Variants in CSRP2 observed in about 807,000 individuals in gnomAD.
CSRP2 encodes cysteine and glycine-rich protein 2.
CSRP2 carries 18 observed loss-of-function variants against 24.6 expected under a neutral mutation model. The observed-to-expected ratio is 0.73, with a 90% CI of 0.51 to 1.09. The LOEUF (loss-of-function observed/expected upper bound fraction) is 1.09. Ranked by LOEUF, CSRP2 falls within the 50% of genes least tolerant of loss-of-function variation. The pLI is 0.00. For synonymous variants in CSRP2, 87 were observed against 84.3 expected (o/e 1.03, Z -0.18); for missense variants, 215 against 239.4 (o/e 0.90, Z 0.67).
At chr12:76,867,829 TAA>T (rs1953750302) in intron 1 of CSRP2, among the ~76,000 whole-genome samples, 1 of 152,120 alleles carries the variant, frequency 6.6e-6, no homozygotes, top group Admixed American at 6.5e-5. Context: ...TAGAAAAGAT[TAA>T]AGAGTCTCCA....
At chr12:76,872,659 C>G (rs1467797769) in intron 1 of CSRP2, among the ~76,000 whole-genome samples, 1 of 152,214 alleles carries the variant, frequency 6.6e-6, no homozygotes, top group East Asian at 1.9e-4. Context: ...CTGGTCAAAC[C>G]AATCCCCTAA....
At position 76,860,326 on chromosome 12, in the gene CSRP2, C is replaced by T. The variant is rs774700075; in HGVS notation, c.369G>A (p.Gly123=). The T allele has an allele frequency of 4.3e-6, 7 of 1,613,954 alleles. No homozygotes were observed. The highest frequency in any genetic ancestry group is 2.7e-5 in the African/African-American group (2 of 74,904). The part of the protein sequence containing the change: ...YGGAEKCSRC[G]DSVYAAEKII... ...TCTTCTCGGCAGCATATACAGAATC[C>T]CCACATCTGGAACACTTCTCAGCAC... Residue 123 remains glycine, a synonymous_variant, in exon 4 of 6, where the codon GGG becomes GGA. Transcript: ENST00000311083.
chr12:76,866,166 C>T lies in CSRP2; in HGVS notation c.95G>A (p.Arg32His), dbSNP rs1045684149. Residue 32 changes from arginine to histidine, a missense_variant, in exon 2 of 6, where the codon CGC becomes CAC. Arg to His is a conservative substitution (Grantham distance 29). Coordinates refer to ENST00000311083, the MANE Select transcript of CSRP2 (RefSeq NM_001321.3). ...CTACTTACTGCAGAGAAAGCAGCAG[C>T]GGTGGAAGCTCCTGCCATCACACTG... ...EVQCDGRSFH[R>H]CCFLCMVCRK... 13 of 1,613,556 alleles carry T rather than the reference C, an allele frequency of 8.1e-6. No individual in the cohort carries two copies. Among genetic ancestry groups the T allele is most frequent in the Middle Eastern group, 1.7e-4 (1 of 6,060 alleles).
intron 1 of CSRP2, among the ~76,000 whole-genome samples, 199 bp downstream of exon 1, chr12:76,878,739 G>C (rs946676101): frequency 6.6e-6 from 1 of 152,248 alleles, no homozygotes; most frequent in African/African-American, 2.4e-5. Flanking sequence ...GTGTGTTTGG[G>C]GGATAAGAGA....
At chr12:76,865,816 C>T in intron 2 of CSRP2, 1 of 232,410 alleles carries the variant, frequency 4.3e-6, no homozygotes. Flanking sequence ...GGGAGCTAAG[C>T]CCTTGTAATG....
intron 1 of CSRP2, among the ~76,000 whole-genome samples, chr12:76,870,975 CAAAAAAA>C (rs398020213): frequency 3.5e-5 from 2 of 57,180 alleles, no homozygotes; most frequent in South Asian, 9.1e-4. Context: ...GACCCTGTCT[CAAAAAAA>C]AAAAAAAAAA....
Position 76,866,126 on chromosome 12 carries a change from G to A in CSRP2, c.112+23C>T, listed in dbSNP as rs748336192. The A allele has an allele frequency of 9.0e-6, 14 of 1,562,884 alleles. No homozygotes were observed. The South Asian group carries it at 1.3e-4, about 15-fold the overall frequency. ...TCTGTACATACAAATTCCGTCAAAG[G>A]TGGAGCATGGAGAGCTACTTACTGC... On this transcript the variant is annotated intron_variant, in intron 2 of 5. Coordinates refer to ENST00000311083, the MANE Select transcript of CSRP2 (RefSeq NM_001321.3).
intron 2 of CSRP2, chr12:76,865,807 G>A (rs531550001): frequency 4.4e-4 from 87 of 197,068 alleles, no homozygotes; most frequent in African/African-American, 2.0e-3. Context: ...CTCAAAAATG[G>A]GAGCTAAGCC....
intron 1 of CSRP2, among the ~76,000 whole-genome samples, chr12:76,876,199 T>C (rs576098535): frequency 6.6e-6 from 1 of 152,216 alleles, no homozygotes; most frequent in Non-Finnish European, 1.5e-5. Context: ...TTGGCCCTAA[T>C]GTATTACATG....
Position 76,860,284 on chromosome 12 carries a change from C to T in CSRP2, c.411G>A (p.Lys137=), listed in dbSNP as rs779627598. 6.2e-7 allele frequency: 1 copy of T among 1,613,412 alleles called. No homozygotes were observed. Among genetic ancestry groups the T allele is most frequent in the East Asian group, 2.2e-5 (1 of 44,864 alleles). The change falls in exon 4 of 6, where the codon AAG becomes AAA. Residue 137 remains lysine, a splice_region_variant and synonymous_variant. Coordinates refer to ENST00000311083, the MANE Select transcript of CSRP2 (RefSeq NM_001321.3). ...YAAEKIIGAG[K]PWHKNCFRCA... ...TTATTAATTCCAAATAGCACTTTAC[C>T]TTTCCAGCTCCAATTATCTTCTCGG...
intron 5 of CSRP2, 31 bp downstream of exon 5, chr12:76,859,516 T>C: frequency 7.0e-7 from 1 of 1,431,244 alleles, no homozygotes; most frequent in Non-Finnish European, 9.8e-7. Context: ...GGAATATTCA[T>C]ATGGACAGCA....
In CSRP2 at chr12:76,859,582, G is replaced by A. The variant is rs1953654872; in HGVS notation, c.470C>T (p.Thr157Ile). The change falls in exon 5 of 6, where the codon ACT becomes ATT. Residue 157 changes from threonine to isoleucine, a missense_variant. Physicochemically the swap from Thr to Ile is moderately conservative, Grantham distance 89. Coordinates refer to ENST00000311083, the MANE Select transcript of CSRP2 (RefSeq NM_001321.3). Reference sequence around the variant, plus strand: ...GATTTCACCTTCTTTTTCAGTCAGAGTTGTTGATTCAAGACTCTTCCCACA... The same window carrying A: ...GATTTCACCTTCTTTTTCAGTCAGAATTGTTGATTCAAGACTCTTCCCACA... ...AKCGKSLEST[T>I]LTEKEGEIYC... 6.2e-7 allele frequency: 1 copy of A among 1,613,268 alleles called. No individual in the cohort carries two copies. The highest frequency in any genetic ancestry group is 1.3e-5 in the African/African-American group (1 of 74,842).
intron 2 of CSRP2, chr12:76,865,837 T>G (rs923507942): frequency 3.5e-6 from 1 of 284,794 alleles, no homozygotes. Flanking sequence ...TGCCAGAAAC[T>G]GTGCTAGGTG....
At chr12:76,876,515 T>C (rs955492429) in intron 1 of CSRP2, among the ~76,000 whole-genome samples, 2 of 152,126 alleles carry the variant, frequency 1.3e-5, no homozygotes, top group African/African-American at 4.8e-5. Context: ...ATTCTGGGGG[T>C]TGGGGAACTT....
chr12:76,859,748 G>C, intron 4 of CSRP2, 108 bp from the exon 5 acceptor site: 1 of 739,712 alleles, frequency 1.4e-6, no homozygotes, highest in Non-Finnish European at 2.2e-6. Context: ...GCAAGCTCCT[G>C]ACTTCTGTGG....
chr12:76,860,530 G>A (rs1007602459), intron 3 of CSRP2, 117 bp from the exon 4 acceptor site: 8 of 1,215,504 alleles, frequency 6.6e-6, no homozygotes, highest in South Asian at 4.7e-5. Flanking sequence ...AAAGCTGGAA[G>A]CCTTTGCAGG....
At chr12:76,868,630 C>T (rs1592511272) in intron 1 of CSRP2, among the ~76,000 whole-genome samples, 1 of 152,182 alleles carries the variant, frequency 6.6e-6, no homozygotes, top group African/African-American at 2.4e-5. Context: ...CAGACTAATA[C>T]ATTTACCATA....
At position 76,858,878 on chromosome 12, in the gene CSRP2, T is replaced by G; in HGVS notation, c.*74A>C. 1 of 1,313,846 alleles carries G rather than the reference T, an allele frequency of 7.6e-7. No homozygotes were observed. The highest frequency in any genetic ancestry group is 1.2e-5 in the South Asian group (1 of 84,046). 81.4% of individuals were successfully genotyped at this position (1,313,846 alleles called of 1,614,324 possible). Reference sequence around the variant, plus strand: ...ATGCTGGTAGAATTTCACAGTAGTTTAGTGTTAAAGATTATCTGTGCCTAG... The same window carrying G: ...ATGCTGGTAGAATTTCACAGTAGTTGAGTGTTAAAGATTATCTGTGCCTAG... On this transcript the variant is annotated 3_prime_UTR_variant, in exon 6 of 6. Coordinates refer to ENST00000311083, the MANE Select transcript of CSRP2 (RefSeq NM_001321.3).
chr12:76,864,987 C>G (rs779740225), intron 2 of CSRP2: 1 of 152,104 alleles, frequency 6.6e-6, no homozygotes, highest in Non-Finnish European at 1.5e-5. Context: ...ATATAACCAC[C>G]CCTTTCTTCC....
Sources: allele counts gnomAD v4.1 joint callset (sites outside exome capture counted in the v4.1 genomes callset), GRCh38; gene constraint gnomAD v4.1.1; transcripts MANE v1.5; gene names NCBI Gene and HGNC (gene_info 2026-07-23, HGNC 2026-07-21).